Variants in DOK7 observed in about 807,000 individuals in gnomAD.
The protein encoded by DOK7 is protein Dok-7.
DOK7 carries 32 observed loss-of-function variants against 30.7 expected under a neutral mutation model. That is an observed-to-expected ratio of 1.04 (90% CI 0.79 to 1.40). The LOEUF (loss-of-function observed/expected upper bound fraction) is 1.40. Among genes scored for constraint, DOK7 ranks in the 40% most tolerant of loss-of-function variants. The probability of loss-of-function intolerance (pLI) is 0.00; values close to 1 mark genes in which losing one functional copy is unlikely to be tolerated. For missense variants in DOK7, 1,007 were observed against 699.2 expected, an observed-to-expected ratio of 1.44 and a Z score of -4.97; for synonymous variants, 447 against 324.1, an observed-to-expected ratio of 1.38 and a Z score of -4.07.
In DOK7 at chr4:3,477,848, G is replaced by A. The variant is rs534396634; in HGVS notation, c.532+1306G>A. Among the ~76,000 whole-genome samples, 389 of 151,890 alleles carry A rather than the reference G, an allele frequency of 2.6e-3. 1 individual carries two copies. Among genetic ancestry groups the A allele is most frequent in the South Asian group, 4.6e-3 (22 of 4,812 alleles). On this transcript the variant is annotated intron_variant, in intron 4 of 6. Transcript: ENST00000340083. ...TGGTGCGGGGGGTGGGGTGGGGGGT[G>A]GTTCCCGGGAGAGCTAGGACACCTG...
At chr4:3,490,224 C>A (rs1211917048) in intron 6 of DOK7, among the ~76,000 whole-genome samples, 1 of 97,706 alleles carries the variant, frequency 1.0e-5, no homozygotes, top group African/African-American at 4.6e-5. Flanking sequence ...CCTGTCTTCA[C>A]CCCCTCATTC....
At chr4:3,485,291 G>A (rs577731003) in intron 4 of DOK7, 3 of 468,546 alleles carry the variant, frequency 6.4e-6, no homozygotes, top group Non-Finnish European at 1.1e-5. Flanking sequence ...AGGGTGCGGC[G>A]GGGTCCCTGG....
At position 3,485,646 on chromosome 4, in the gene DOK7, C is replaced by A. The variant is rs751806016; in HGVS notation, c.640C>A (p.Pro214Thr). The change falls in exon 5 of 7, where the codon CCG (proline) becomes ACG (threonine). Residue 214 changes from proline to threonine, a missense_variant. By Grantham distance (38) the Pro-to-Thr change is conservative. Transcript: ENST00000340083. ...SPTKGPFGLRPVLPDPSPPGP... is the reference protein window; with the variant it reads ...SPTKGPFGLRTVLPDPSPPGP... ...CACCAAGGGCCCCTTTGGGCTGCGGCCGGTTCTACCAGGTGCGTGTGGGAG... is the reference window on the plus strand; with the variant it reads ...CACCAAGGGCCCCTTTGGGCTGCGGACGGTTCTACCAGGTGCGTGTGGGAG... 6.3e-7 allele frequency: 1 copy of A among 1,599,430 alleles called. No homozygotes were observed. Among genetic ancestry groups the A allele is most frequent in the Non-Finnish European group, 8.5e-7 (1 of 1,172,576 alleles).
At chr4:3,497,640 C>G (rs186639140), downstream of DOK7, among the ~76,000 whole-genome samples, 2 of 152,174 alleles carry the variant, frequency 1.3e-5, no homozygotes, top group African/African-American at 2.4e-5. Context: ...TCCCTTCTTC[C>G]CAGGCAGGTG....
downstream of DOK7, among the ~76,000 whole-genome samples, chr4:3,496,418 G>A (rs1728916525): frequency 6.6e-6 from 1 of 152,268 alleles, no homozygotes; most frequent in African/African-American, 2.4e-5. Context: ...CCTCGGAGCA[G>A]CCGCTCAGCT....
At chr4:3,476,682 C>A in intron 4 of DOK7, 140 bp downstream of exon 4, 2 of 1,103,752 alleles carry the variant, frequency 1.8e-6, no homozygotes, top group Non-Finnish European at 2.7e-6. Flanking sequence ...TGGACGGAGT[C>A]TCCCCACGCT....
In DOK7 at chr4:3,463,381, C is replaced by G; in HGVS notation, c.6C>G (p.Thr2=). 6.7e-7 allele frequency: 1 copy of G among 1,486,090 alleles called. No homozygotes were observed. The highest frequency in any genetic ancestry group is 2.7e-5 in the East Asian group (1 of 36,796). 92.1% of individuals were successfully genotyped at this position (1,486,090 alleles called of 1,614,324 possible). M[T]EAALVEGQVK... is the part of the protein sequence containing the mutation. ...GCGCGGAACCATGACAGAAGATGAC[C>G]GAGGCGGCGCTGGTGGAGGGCCAGG... The change falls in exon 1 of 7, where the codon ACC becomes ACG. Residue 2 remains threonine, a synonymous_variant. Coordinates refer to ENST00000340083, the MANE Select transcript of DOK7 (RefSeq NM_173660.5).
Position 3,493,842 on chromosome 4 carries a change from G to A in DOK7, c.*341G>A. 8.4e-7 allele frequency: 1 copy of A among 1,188,618 alleles called. No individual in the cohort carries two copies. Among genetic ancestry groups the A allele is most frequent in the Middle Eastern group, 3.5e-4 (1 of 2,878 alleles). The allele number at this position is 1,188,618 out of a possible 1,614,324, so 73.6% of individuals were successfully genotyped here. A position where few individuals can be genotyped will look rare whatever the true frequency, so the allele number is the denominator to read the frequency against. ...GCCTTGCACTGGGGTGCCAAGGGCT[G>A]GAGGCCCTGCCGCTGGCCTTGTCCT... On this transcript the variant is annotated 3_prime_UTR_variant, in exon 7 of 7. Coordinates refer to ENST00000340083, the MANE Select transcript of DOK7 (RefSeq NM_173660.5).
rs1411499971 is a variant in DOK7, at chr4:3,485,645, G to A, written c.639G>A (p.Arg213=). The stretch of plus-strand genomic sequence containing the variant: ...CCACCAAGGGCCCCTTTGGGCTGCG[G>A]CCGGTTCTACCAGGTGCGTGTGGGA... ...ISPTKGPFGL[R]PVLPDPSPPG... is the part of the protein sequence containing the mutation. Residue 213 remains arginine (R), a synonymous_variant, in exon 5 of 7, where the codon CGG becomes CGA. Coordinates refer to ENST00000340083, the MANE Select transcript of DOK7 (RefSeq NM_173660.5). 6.2e-6 allele frequency: 10 copies of A among 1,600,002 alleles called. No homozygotes were observed. In the Admixed American group the frequency reaches 1.5e-4, roughly 24 times the overall value.
chr4:3,476,268 CT>C, intron 3 of DOK7, 73 bp from the exon 4 acceptor site: 1 of 1,174,482 alleles, frequency 8.5e-7, no homozygotes, highest in Non-Finnish European at 1.1e-6. Context: ...CCGTGATGCC[CT>C]CTCACCCCAC....
chr4:3,485,789 A>G, intron 5 of DOK7, 131 bp downstream of exon 5: 1 of 1,318,410 alleles, frequency 7.6e-7, no homozygotes, highest in East Asian at 3.0e-5. Context: ...CTAAGGAACC[A>G]GAACCTTTCC....
intron 4 of DOK7, among the ~76,000 whole-genome samples, chr4:3,485,171 G>A (rs1368403028): frequency 1.3e-5 from 2 of 152,180 alleles, no homozygotes; most frequent in East Asian, 1.9e-4. Flanking sequence ...GTATGTGGGC[G>A]GGGGCACCCA....
chr4:3,493,851 G>A lies in DOK7; in HGVS notation c.*350G>A. The A allele has an allele frequency of 1.7e-6, 2 of 1,175,414 alleles. No individual in the cohort carries two copies. The highest frequency in any genetic ancestry group is 2.1e-6 in the Non-Finnish European group (2 of 949,756). The allele number at this position is 1,175,414 out of a possible 1,614,324, so 72.8% of individuals were successfully genotyped here. The stretch of plus-strand genomic sequence containing the variant: ...TGGGGTGCCAAGGGCTGGAGGCCCT[G>A]CCGCTGGCCTTGTCCTCCTTGGGCC... On this transcript the variant is annotated 3_prime_UTR_variant, in exon 7 of 7. Coordinates refer to ENST00000340083, the MANE Select transcript of DOK7 (RefSeq NM_173660.5).
At chr4:3,495,816 G>A (rs372100080), downstream of DOK7, among the ~76,000 whole-genome samples, 1 of 152,178 alleles carries the variant, frequency 6.6e-6, no homozygotes, top group Non-Finnish European at 1.5e-5. Context: ...GCTGGGGAGG[G>A]GCCCTCTCAG....
downstream of DOK7, among the ~76,000 whole-genome samples, chr4:3,497,507 C>CAGG (rs1399294713): frequency 2.0e-5 from 3 of 152,114 alleles, no homozygotes; most frequent in Admixed American, 6.5e-5. Context: ...GAAGGTTGGG[C>CAGG]AGGGCTGAGA....
At position 3,492,872 on chromosome 4, in the gene DOK7, C is replaced by T. The variant is rs1460112018; in HGVS notation, c.886C>T (p.Gln296Ter). The change falls in exon 7 of 7, where the codon CAG (glutamine) becomes TAG (stop). Residue 296 changes from glutamine (Q) to a stop codon, truncating the protein, a stop_gained. Coordinates refer to ENST00000340083, the MANE Select transcript of DOK7 (RefSeq NM_173660.5). LOFTEE classifies it low-confidence loss of function (END_TRUNC). ...ATCCTCGTCGTCAGCCAGCACGTCA[C>T]AGGAGGGGCCTAGACCAGCAGCTGC... The part of the protein sequence containing the change: ...EQSSSSASTS[Q>*]EGPRPAAAQA... 5 of 1,606,482 alleles carry T rather than the reference C, an allele frequency of 3.1e-6. No individual in the cohort carries two copies. Among genetic ancestry groups the T allele is most frequent in the East Asian group, 4.5e-5 (2 of 44,588 alleles).
chr4:3,498,726 C>A (rs2858034), downstream of DOK7, among the ~76,000 whole-genome samples: 4 of 152,096 alleles, frequency 2.6e-5, no homozygotes, highest in African/African-American at 7.2e-5. Context: ...GCCTGGGCAC[C>A]AGAACTTGGC....
chr4:3,475,808 C>CA (rs1727021545), intron 3 of DOK7, among the ~76,000 whole-genome samples: 1 of 152,104 alleles, frequency 6.6e-6, no homozygotes, highest in African/African-American at 2.4e-5. Context: ...GGAGCCCAGC[C>CA]AGGGCACTCA....
At chr4:3,496,923 C>T (rs547885560), downstream of DOK7, 33 of 1,210,702 alleles carry the variant, frequency 2.7e-5, no homozygotes, top group African/African-American at 2.3e-4. Context: ...TCTGGGTGGG[C>T]GCAGATGGCA....
Sources: allele counts gnomAD v4.1 joint callset (sites outside exome capture counted in the v4.1 genomes callset), GRCh38; gene constraint gnomAD v4.1.1; transcripts MANE v1.5; gene names NCBI Gene and HGNC (gene_info 2026-07-23, HGNC 2026-07-21).